The following ZNF385B variants were observed in gnomAD, a reference collection of about 807,000 sequenced individuals.
The protein encoded by ZNF385B is zinc finger protein 533.
In ZNF385B, 23 loss-of-function variants were observed where a neutral mutation model predicts 39.2. The observed-to-expected ratio is 0.59, with a 90% confidence interval of 0.42 to 0.83. The LOEUF (loss-of-function observed/expected upper bound fraction) is 0.83, where lower values mean the gene tolerates loss of function less well. ZNF385B is among the 40% of genes least tolerant of loss of function. The pLI is 0.00. For synonymous variants in ZNF385B, 205 were observed against 222.6 expected, an observed-to-expected ratio of 0.92 and a Z score of 0.70; for missense variants, 552 against 598.9, an observed-to-expected ratio of 0.92 and a Z score of 0.82.
At chr2:179,778,474 G>A (rs1452605258) in intron 1 of ZNF385B, among the ~76,000 whole-genome samples, 2 of 152,158 alleles carry the variant, frequency 1.3e-5, no homozygotes, top group Non-Finnish European at 2.9e-5. Flanking sequence ...TTCTAGGGGT[G>A]GAAGGCAACA....
At chr2:179,530,418 C>T (rs1034118812) in intron 4 of ZNF385B, among the ~76,000 whole-genome samples, 2 of 152,028 alleles carry the variant, frequency 1.3e-5, no homozygotes, top group African/African-American at 2.4e-5. Context: ...TTTTGGTAAA[C>T]GAGCTCAAAA....
At chr2:179,648,104 G>A (rs1411038968) in intron 3 of ZNF385B, among the ~76,000 whole-genome samples, 1 of 152,102 alleles carries the variant, frequency 6.6e-6, no homozygotes, top group Non-Finnish European at 1.5e-5. Context: ...GGAGTGAGGA[G>A]GATGTCCATG....
At chr2:179,540,403 G>A (rs1237321512) in intron 4 of ZNF385B, among the ~76,000 whole-genome samples, 1 of 152,132 alleles carries the variant, frequency 6.6e-6, no homozygotes, top group Non-Finnish European at 1.5e-5. Context: ...CCGAGATCCT[G>A]CCATTGCACT....
chr2:179,454,433 A>T (rs958518030), intron 6 of ZNF385B, among the ~76,000 whole-genome samples: 4 of 152,212 alleles, frequency 2.6e-5, no homozygotes, highest in Admixed American at 1.3e-4. Flanking sequence ...ATAATAAATG[A>T]CTGTGTTACT....
intron 3 of ZNF385B, among the ~76,000 whole-genome samples, chr2:179,638,079 T>C (rs1354152504): frequency 6.6e-6 from 1 of 152,192 alleles, no homozygotes; most frequent in Non-Finnish European, 1.5e-5. Flanking sequence ...CAATAGACTA[T>C]ATTAAAAAAC....
intron 4 of ZNF385B, among the ~76,000 whole-genome samples, chr2:179,530,995 A>G (rs778624212): frequency 6.6e-5 from 10 of 152,114 alleles, no homozygotes; most frequent in Non-Finnish European, 1.2e-4. Context: ...CACCCACCCA[A>G]ACAAAATCCT....
At chr2:179,477,754 T>C (rs2053584861) in intron 6 of ZNF385B, among the ~76,000 whole-genome samples, 1 of 150,382 alleles carries the variant, frequency 6.6e-6, no homozygotes, top group Non-Finnish European at 1.5e-5. Flanking sequence ...ATTTGCCATT[T>C]ACCTAAAATG....
rs1707669155 is a variant in ZNF385B, at chr2:179,826,128, A to C, written c.-155+34973T>G. ...AATAAGTTACCAAATTATGAAAAAC[A>C]GCTGTCGAAAATTCAGCTACCACCC... On this transcript the variant is annotated intron_variant, in intron 1 of 9. Transcript: ENST00000410066. Among the ~76,000 whole-genome samples the C allele has an allele frequency of 1.3e-5, 2 of 152,226 alleles. 1 individual carries two copies. Among genetic ancestry groups the C allele is most frequent in the South Asian group, 4.1e-4 (2 of 4,832 alleles).
intron 3 of ZNF385B, among the ~76,000 whole-genome samples, chr2:179,697,082 T>C (rs1698823651): frequency 6.6e-6 from 1 of 152,142 alleles, no homozygotes; most frequent in African/African-American, 2.4e-5. Context: ...TCCAGTTAAT[T>C]AGGATTAAGT....
intron 3 of ZNF385B, among the ~76,000 whole-genome samples, chr2:179,605,011 T>C (rs1196412977): frequency 2.0e-5 from 3 of 152,166 alleles, no homozygotes; most frequent in African/African-American, 7.2e-5. Context: ...TTCTGGCTCC[T>C]TATTTATTGA....
At chr2:179,717,493 G>A (rs934363399) in intron 3 of ZNF385B, among the ~76,000 whole-genome samples, 5 of 152,216 alleles carry the variant, frequency 3.3e-5, no homozygotes, top group Admixed American at 6.5e-5. Context: ...AACATTTTGG[G>A]ATGCCAAGGT....
intron 3 of ZNF385B, among the ~76,000 whole-genome samples, chr2:179,738,121 C>CA (rs767379330): frequency 1.3e-5 from 2 of 151,840 alleles, no homozygotes; most frequent in South Asian, 2.1e-4. Flanking sequence ...GTACCATGTC[C>CA]AAAGAAAAAA....
intron 3 of ZNF385B, among the ~76,000 whole-genome samples, chr2:179,701,515 A>G (rs115357705): frequency 7.2e-4 from 110 of 152,354 alleles, no homozygotes; most frequent in African/African-American, 2.5e-3. Flanking sequence ...AAAGATATTA[A>G]GAAGCTTACC....
intron 3 of ZNF385B, among the ~76,000 whole-genome samples, chr2:179,650,013 C>G (rs1449677356): frequency 1.3e-5 from 2 of 152,180 alleles, no homozygotes. Context: ...AAATGTCATG[C>G]CTGGAGACCC....
rs116799354 is a variant in ZNF385B, at chr2:179,814,249, T to C, written c.-154-43577A>G. The C allele has an allele frequency of 2.8e-3, 566 of 205,800 alleles. 6 individuals are homozygous for C. Among genetic ancestry groups the C allele is most frequent in the African/African-American group, 0.013 (538 of 42,274 alleles). 12.7% of individuals were successfully genotyped at this position (205,800 alleles called of 1,614,324 possible). A position where few individuals can be genotyped will look rare whatever the true frequency, so the allele number is the denominator to read the frequency against. ...TGGGCAGTGGCAAGTATGTGGGCCA[T>C]CATGTCACACATGCTCCTGCACCTC... On this transcript the variant is annotated intron_variant, in intron 1 of 9. Coordinates refer to ENST00000410066, the MANE Select transcript of ZNF385B (RefSeq NM_152520.6).
intron 3 of ZNF385B, among the ~76,000 whole-genome samples, chr2:179,762,319 A>G (rs1703449790): frequency 6.6e-6 from 1 of 151,992 alleles, no homozygotes; most frequent in African/African-American, 2.4e-5. Flanking sequence ...CCTCCTGAGT[A>G]GCTGGGATTA....
chr2:179,554,644 C>A (rs2060789855), intron 3 of ZNF385B, among the ~76,000 whole-genome samples: 1 of 149,020 alleles, frequency 6.7e-6, no homozygotes, highest in African/African-American at 2.5e-5. Context: ...GAATGTAGAA[C>A]TCCTACAGAT....
At chr2:179,531,926 T>C (rs771289354) in intron 4 of ZNF385B, among the ~76,000 whole-genome samples, 16 of 152,236 alleles carry the variant, frequency 1.1e-4, no homozygotes, top group Non-Finnish European at 2.2e-4. Flanking sequence ...TGTGTACACA[T>C]AATAGCTCTT....
At position 179,855,556 on chromosome 2, in the gene ZNF385B, A is replaced by C. The variant is rs565822083; in HGVS notation, c.-155+5545T>G. On this transcript the variant is annotated intron_variant, in intron 1 of 9. Transcript: ENST00000410066. ...ATGTGGCACCAAATAGATCAAAAGC[A>C]AAAGGGCAATTGTTTTGTATCAGTA... Among the ~76,000 whole-genome samples the C allele has an allele frequency of 1.9e-3, 283 of 152,362 alleles. 1 individual carries two copies. The highest frequency in any genetic ancestry group is 6.5e-3 in the African/African-American group (272 of 41,588).
Sources: allele counts gnomAD v4.1 joint callset (sites outside exome capture counted in the v4.1 genomes callset), GRCh38; gene constraint gnomAD v4.1.1; transcripts MANE v1.5; gene names NCBI Gene and HGNC (gene_info 2026-07-23, HGNC 2026-07-21).